Variants in PPP2R1B observed in about 807,000 individuals in gnomAD.
The protein encoded by PPP2R1B is protein phosphatase 2 scaffold subunit Abeta, also known as serine/threonine-protein phosphatase 2A 65 kDa regulatory subunit A beta isoform.
Under a neutral mutation model 72.7 loss-of-function variants are expected in PPP2R1B, and 58 were observed. That is an observed-to-expected ratio of 0.80 (90% CI 0.65 to 0.99). The LOEUF (loss-of-function observed/expected upper bound fraction) is 0.99. PPP2R1B is among the 50% of genes least tolerant of loss of function. PPP2R1B has a pLI of 0.00. For synonymous variants in PPP2R1B, 256 were observed against 264.6 expected, an observed-to-expected ratio of 0.97 and a Z score of 0.32; for missense variants, 695 against 733.6, an observed-to-expected ratio of 0.95 and a Z score of 0.61.
downstream of PPP2R1B, among the ~76,000 whole-genome samples, chr11:111,734,051 G>A (rs939973271): frequency 2.6e-5 from 4 of 152,192 alleles, no homozygotes; most frequent in African/African-American, 9.7e-5. Flanking sequence ...GGTGTCTCCA[G>A]TGGTAACTTG....
the PPP2R1B span, among the ~76,000 whole-genome samples, chr11:111,706,132 GATA>G: frequency 3.7e-4 from 56 of 152,162 alleles, no homozygotes; most frequent in Non-Finnish European, 7.6e-4. Context: ...GTGTAATGGG[GATA>G]ATAATAGAAT....
In PPP2R1B at chr11:111,759,828, G is replaced by A; in HGVS notation, c.663C>T (p.Phe221=). The change falls in exon 5 of 15, where the codon TTC becomes TTT. Residue 221 remains phenylalanine (F), a synonymous_variant. Transcript: ENST00000527614. The part of the protein sequence containing the change: ...DSVKSEIVPL[F]TSLASDEQDS... ...CCTGTTCATCTGAAGCTAGACTAGT[G>A]AACAGTGGAACAATTTCACTTTTCA... is the stretch of plus-strand genomic sequence containing the variant. 1.2e-6 allele frequency: 2 copies of A among 1,613,768 alleles called. No individual in the cohort carries two copies. The highest frequency in any genetic ancestry group is 1.7e-6 in the Non-Finnish European group (2 of 1,179,796).
intron 3 of PPP2R1B, among the ~76,000 whole-genome samples, chr11:111,762,618 C>A (rs1290648408): frequency 6.7e-6 from 1 of 149,948 alleles, no homozygotes; most frequent in Non-Finnish European, 1.5e-5. Flanking sequence ...TGCAGTGGCA[C>A]AATCATGGCT....
At chr11:111,718,735 C>T in the PPP2R1B span, 2 of 152,226 alleles carry the variant, frequency 1.3e-5, no homozygotes, top group African/African-American at 2.4e-5. Flanking sequence ...CCAAAGGAAA[C>T]AGTAGCTCTA....
Position 111,741,203 on chromosome 11 carries a change from G to A in PPP2R1B, c.*393C>T, listed in dbSNP as rs1447749315. The A allele has an allele frequency of 4.9e-6, 5 of 1,014,702 alleles. No individual in the cohort carries two copies. The highest frequency in any genetic ancestry group is 5.9e-6 in the Non-Finnish European group (5 of 848,336). The allele number at this position is 1,014,702 out of a possible 1,614,324, so 62.9% of individuals were successfully genotyped here. A position where few individuals can be genotyped will look rare whatever the true frequency, so the allele number is the denominator to read the frequency against. On this transcript the variant is annotated 3_prime_UTR_variant, in exon 15 of 15. Transcript: ENST00000527614. The stretch of plus-strand genomic sequence containing the variant: ...CTTTGGAATGATGGAGAGACACAGA[G>A]ATATATGTAAACGTCAAGAGAATCA...
At chr11:111,743,655 T>A in intron 11 of PPP2R1B, 125 bp from the exon 12 acceptor site, 1 of 1,157,474 alleles carries the variant, frequency 8.6e-7, no homozygotes, top group Non-Finnish European at 1.2e-6. Context: ...ACTCCACATG[T>A]AATCATGCTG....
chr11:111,766,205 G>T, intron 1 of PPP2R1B, 43 bp downstream of exon 1: 2 of 1,599,720 alleles, frequency 1.3e-6, no homozygotes, highest in South Asian at 2.2e-5. Flanking sequence ...TCTACCACGC[G>T]ACCAGCCGGT....
At chr11:111,712,021 C>T in the PPP2R1B span, among the ~76,000 whole-genome samples, 4 of 152,226 alleles carry the variant, frequency 2.6e-5, no homozygotes, top group Non-Finnish European at 4.4e-5. Context: ...TCAGAGTAAC[C>T]GATTGCTGAG....
Position 111,739,729 on chromosome 11 carries a change from G to A in PPP2R1B, c.*1867C>T. 3.0e-6 allele frequency: 3 copies of A among 983,802 alleles called. No homozygotes were observed. Among genetic ancestry groups the A allele is most frequent in the Non-Finnish European group, 3.6e-6 (3 of 828,502 alleles). The allele number at this position is 983,802 out of a possible 1,614,324, so 60.9% of individuals were successfully genotyped here. On this transcript the variant is annotated 3_prime_UTR_variant, in exon 15 of 15. Transcript: ENST00000527614. ...ATGTCTCTCAAATATGAAATTCAAT[G>A]AAGAAGAACATAACTTGCAGGTAAC...
the PPP2R1B span, among the ~76,000 whole-genome samples, chr11:111,719,366 T>A: frequency 6.7e-6 from 1 of 149,758 alleles, no homozygotes; most frequent in Non-Finnish European, 1.5e-5. Context: ...CTTTTTTTTT[T>A]TTTTTTTTTA....
chr11:111,694,064 G>A, the PPP2R1B span, among the ~76,000 whole-genome samples: 31 of 152,216 alleles, frequency 2.0e-4, no homozygotes, highest in South Asian at 1.0e-3. Context: ...AACAGTGCCC[G>A]GCACACAGTG....
chr11:111,712,249 G>C, the PPP2R1B span: 1 of 1,614,042 alleles, frequency 6.2e-7, no homozygotes, highest in African/African-American at 1.3e-5. Flanking sequence ...TGCATTCACC[G>C]AACATGAGGC....
chr11:111,737,392 C>G (rs1301328038), downstream of PPP2R1B: 22 of 1,612,680 alleles, frequency 1.4e-5, no homozygotes, highest in Non-Finnish European at 1.7e-5. Context: ...ACCATGCCAC[C>G]CTGGCTGCCC....
At chr11:111,741,960 TATC>T (rs1249714996) in intron 14 of PPP2R1B, 90 bp downstream of exon 14, 24 of 1,098,956 alleles carry the variant, frequency 2.2e-5, no homozygotes, top group Admixed American at 1.5e-4. Context: ...CCATAATACT[TATC>T]ATCCTACCCA....
chr11:111,729,123 C>T (rs1475757360), intron 15 of PPP2R1B: 1 of 152,270 alleles, frequency 6.6e-6, no homozygotes, highest in Non-Finnish European at 1.5e-5. Flanking sequence ...CCAGTAGCCT[C>T]TCACATTCTT....
chr11:111,724,738 C>T (rs1398382909), downstream of PPP2R1B: 1 of 153,558 alleles, frequency 6.5e-6, no homozygotes, highest in African/African-American at 2.4e-5. Flanking sequence ...TAAATAACAG[C>T]TGGTACTGAC....
chr11:111,719,476 T>C, the PPP2R1B span, among the ~76,000 whole-genome samples: 1 of 149,914 alleles, frequency 6.7e-6, no homozygotes. Context: ...CTCAAACTAA[T>C]ATACCCCTGT....
chr11:111,742,705 A>C (rs1787485499), intron 12 of PPP2R1B, 40 bp from the exon 13 acceptor site: 2 of 1,500,394 alleles, frequency 1.3e-6, no homozygotes. Context: ...AAATACTTTA[A>C]AAAATTCCAA....
chr11:111,728,099 C>T (rs1247403268), intron 15 of PPP2R1B: 1 of 152,088 alleles, frequency 6.6e-6, no homozygotes, highest in Non-Finnish European at 1.5e-5. Flanking sequence ...ACACCGGTGC[C>T]AGGGCTGACC....
Sources: allele counts gnomAD v4.1 joint callset (sites outside exome capture counted in the v4.1 genomes callset), GRCh38; gene constraint gnomAD v4.1.1; transcripts MANE v1.5; gene names NCBI Gene and HGNC (gene_info 2026-07-23, HGNC 2026-07-21).